DDX17: variants seen among roughly 807,000 people sequenced by gnomAD.
The protein encoded by DDX17 is DEAD-box helicase 17.
In DDX17, 10 loss-of-function variants were observed where a neutral mutation model predicts 80.8. The ratio of observed to expected loss-of-function variants is 0.12; its 90% CI spans 0.08 to 0.21. The LOEUF (loss-of-function observed/expected upper bound fraction) is 0.21, where lower values mean the gene tolerates loss of function less well. Among genes scored for constraint, DDX17 ranks in the 10% least tolerant of loss-of-function variants. The probability of loss-of-function intolerance (pLI) is 1.00; values close to 1 mark genes in which losing one functional copy is unlikely to be tolerated. For synonymous variants in DDX17, 339 were observed against 336.2 expected, an observed-to-expected ratio of 1.01 and a Z score of -0.09; for missense variants, 586 against 957.4, an observed-to-expected ratio of 0.61 and a Z score of 5.12.
intron 11 of DDX17, chr22:38,490,807 G>C (rs1344560625): frequency 1.6e-5 from 3 of 192,382 alleles, no homozygotes; most frequent in Admixed American, 1.1e-4. Context: ...CACTGATGTT[G>C]AGTAACAAGA....
Position 38,505,840 on chromosome 22 carries a change from T to C in DDX17, c.287+111A>G, listed in dbSNP as rs539460547. On this transcript the variant is annotated intron_variant, in intron 1 of 12. Coordinates refer to ENST00000403230, the MANE Select transcript of DDX17 (RefSeq NM_006386.5). ...CTGTCTCGCCTCGAGTCGCCTCCCC[T>C]CGCCTCCCGGGTCGAGAGCAAGGCT... The C allele has an allele frequency of 8.5e-3, 11,629 of 1,363,792 alleles. 85 individuals are homozygous for C. The highest frequency in any genetic ancestry group is 0.012 in the South Asian group (832 of 70,494). The allele number at this position is 1,363,792 out of a possible 1,614,324, so 84.5% of individuals were successfully genotyped here.
chr22:38,501,151 C>T lies in DDX17; in HGVS notation c.417G>A (p.Pro139=), dbSNP rs141425209. Residue 139 remains proline, a synonymous_variant, in exon 2 of 13, where the codon CCG becomes CCA. Transcript: ENST00000403230. ...TTACTGGTGTCAGCCTTGCTACTTC[C>T]GGATGTTCCACATAAAAATTTTTCT... 101 of 1,613,690 alleles carry T rather than the reference C, an allele frequency of 6.3e-5. No homozygotes were observed. The highest frequency in any genetic ancestry group is 3.1e-4 in the South Asian group (28 of 90,984).
At position 38,484,965 on chromosome 22, in the gene DDX17, C is replaced by G. The variant is rs573029503; in HGVS notation, c.*970G>C. On this transcript the variant is annotated 3_prime_UTR_variant, in exon 13 of 13. Transcript: ENST00000403230. ...GAGTTGCTTTTAATCTAGCTCTACACTGCATTTGAAAATAAAATTTGCCCA... is the reference window on the plus strand; with the variant it reads ...GAGTTGCTTTTAATCTAGCTCTACAGTGCATTTGAAAATAAAATTTGCCCA... The G allele has an allele frequency of 1.7e-4, 26 of 152,244 alleles. No homozygotes were observed. The highest frequency in any genetic ancestry group is 3.1e-4 in the Non-Finnish European group (21 of 68,044). 9.4% of individuals were successfully genotyped at this position (152,244 alleles called of 1,614,324 possible). A position where few individuals can be genotyped will look rare whatever the true frequency, so the allele number is the denominator to read the frequency against.
At chr22:38,488,848 T>G in intron 11 of DDX17, 1 of 985,432 alleles carries the variant, frequency 1.0e-6, no homozygotes, top group South Asian at 4.7e-5. Context: ...AGGATATTTT[T>G]GCTCAACTCA....
At chr22:38,498,598 A>G (rs756079075) in intron 3 of DDX17, 25 bp from the exon 4 acceptor site, 1 of 1,612,050 alleles carries the variant, frequency 6.2e-7, no homozygotes, top group Non-Finnish European at 8.5e-7. Flanking sequence ...TATTTTGCGT[A>G]TTTTATTGTG....
chr22:38,501,676 A>C (rs1224326044), intron 1 of DDX17, among the ~76,000 whole-genome samples: 1 of 152,216 alleles, frequency 6.6e-6, no homozygotes, highest in Non-Finnish European at 1.5e-5. Flanking sequence ...CACTTATTTC[A>C]GAGGCTGCTG....
At position 38,489,515 on chromosome 22, in the gene DDX17, T is replaced by C. The variant is rs1347541529; in HGVS notation, c.1448-1400A>G. ...ACGCCTCCCCCAAGGATAATTGGGG[T>C]GATTGTAGAAAAAAATAATTAATAA... On this transcript the variant is annotated intron_variant, in intron 11 of 12. Coordinates refer to ENST00000403230, the MANE Select transcript of DDX17 (RefSeq NM_006386.5). The surrounding 1 kb of genome is among the most constrained non-coding windows in gnomAD (Gnocchi z 4.6). The C allele has an allele frequency of 4.1e-6, 4 of 984,182 alleles. No homozygotes were observed. The highest frequency in any genetic ancestry group is 5.2e-4 in the Middle Eastern group (1 of 1,934). 61.0% of individuals were successfully genotyped at this position (984,182 alleles called of 1,614,324 possible). A position where few individuals can be genotyped will look rare whatever the true frequency, so the allele number is the denominator to read the frequency against.
At chr22:38,498,203 T>A in intron 4 of DDX17, 53 bp from the exon 5 acceptor site, 3 of 1,565,210 alleles carry the variant, frequency 1.9e-6, no homozygotes, top group Non-Finnish European at 2.6e-6. Flanking sequence ...CAATCTTACT[T>A]AGATACTTAG....
At chr22:38,500,534 C>G (rs376385865) in intron 2 of DDX17, among the ~76,000 whole-genome samples, 1 of 151,906 alleles carries the variant, frequency 6.6e-6, no homozygotes, top group Admixed American at 6.6e-5. Context: ...AGAGGCTGGG[C>G]GTGGTGGCTC....
At chr22:38,497,190 G>T (rs1196058599) in intron 5 of DDX17, among the ~76,000 whole-genome samples, 2 of 144,168 alleles carry the variant, frequency 1.4e-5, no homozygotes, top group Non-Finnish European at 3.0e-5. Context: ...CAGCTGCTTG[G>T]GAAGCCGAGA....
At chr22:38,500,661 C>CA (rs1201065311) in intron 2 of DDX17, among the ~76,000 whole-genome samples, 4 of 150,232 alleles carry the variant, frequency 2.7e-5, no homozygotes, top group Admixed American at 2.0e-4. Context: ...GCTAAAAATA[C>CA]AAAAAATTAG....
rs371952820 is a variant in DDX17, at chr22:38,504,590, A to C, written c.287+1361T>G. ...CAAACATTCCACCTCTCATCCTCTA[A>C]ACAATGAGATAAAATATTTTCCTTC... On this transcript the variant is annotated intron_variant, in intron 1 of 12. Coordinates refer to ENST00000403230, the MANE Select transcript of DDX17 (RefSeq NM_006386.5). 1.2e-4 allele frequency among the ~76,000 whole-genome samples: 19 copies of C among 152,298 alleles called. 1 individual carries two copies. In the East Asian group the frequency reaches 3.1e-3, roughly 25 times the overall value.
chr22:38,491,101 TCAGAGGG>T (rs2089709535), intron 11 of DDX17: 1 of 152,382 alleles, frequency 6.6e-6, no homozygotes, highest in Non-Finnish European at 1.5e-5. Context: ...AGACATGACC[TCAGAGGG>T]CAGAGGGGCA....
intron 11 of DDX17, 137 bp downstream of exon 11, chr22:38,491,919 T>G: frequency 1.7e-6 from 1 of 577,866 alleles, no homozygotes; most frequent in Non-Finnish European, 2.8e-6. Context: ...GAATCACGCT[T>G]TGTATTTTTT....
At chr22:38,495,995 AAAAAG>A in intron 5 of DDX17, 58 bp from the exon 6 acceptor site, 9 of 1,401,072 alleles carry the variant, frequency 6.4e-6, no homozygotes, top group African/African-American at 1.5e-5. Flanking sequence ...AAAAAAAAAA[AAAAAG>A]AAGAAACAAA....
At chr22:38,498,781 T>C (rs2089795783) in intron 3 of DDX17, among the ~76,000 whole-genome samples, 1 of 152,110 alleles carries the variant, frequency 6.6e-6, no homozygotes, top group East Asian at 1.9e-4. Flanking sequence ...TCCCATCACT[T>C]TGGGAGGCTG....
chr22:38,494,362 T>C, intron 8 of DDX17: 1 of 587,566 alleles, frequency 1.7e-6, no homozygotes, highest in Non-Finnish European at 3.0e-6. Context: ...ATTTCACAGA[T>C]GAAGAAACTG....
intron 4 of DDX17, 144 bp from the exon 5 acceptor site, chr22:38,498,294 A>G: frequency 1.4e-6 from 2 of 1,394,420 alleles, no homozygotes; most frequent in Non-Finnish European, 2.0e-6. Context: ...TACAAATTTG[A>G]ACATAAAATG....
At chr22:38,488,602 T>TA (rs1179501633) in intron 11 of DDX17, 74 of 988,602 alleles carry the variant, frequency 7.5e-5, no homozygotes, top group South Asian at 6.0e-4. Flanking sequence ...CAGAGCAAAG[T>TA]AAAAAAAGGA....
Sources: allele counts gnomAD v4.1 joint callset (sites outside exome capture counted in the v4.1 genomes callset), GRCh38; gene constraint gnomAD v4.1.1; non-coding constraint Gnocchi (gnomAD v3.1); transcripts MANE v1.5; gene names NCBI Gene and HGNC (gene_info 2026-07-23, HGNC 2026-07-21).